MCPH1: variants seen among roughly 807,000 people sequenced by gnomAD.
MCPH1 encodes microcephalin.
MCPH1 carries 104 observed loss-of-function variants against 84.5 expected under a neutral mutation model. The ratio of observed to expected loss-of-function variants is 1.23; its 90% CI spans 1.05 to 1.45. The LOEUF (loss-of-function observed/expected upper bound fraction) is 1.45. MCPH1 is among the 40% of genes most tolerant of loss of function. The probability of loss-of-function intolerance (pLI) is 0.00; values close to 1 mark genes in which losing one functional copy is unlikely to be tolerated. For missense variants in MCPH1, 1,498 were observed against 1,005.7 expected, an observed-to-expected ratio of 1.49 and a Z score of -6.62; for synonymous variants, 514 against 366.8, an observed-to-expected ratio of 1.40 and a Z score of -4.58.
intron 12 of MCPH1, among the ~76,000 whole-genome samples, chr8:6,529,186 C>T (rs1377342900): frequency 1.3e-5 from 2 of 152,192 alleles, no homozygotes; most frequent in East Asian, 3.8e-4. Flanking sequence ...AGCCTGAAGG[C>T]GTCCATCTGC....
chr8:6,410,254 A>G (rs866751318), intron 2 of MCPH1, among the ~76,000 whole-genome samples: 2 of 152,054 alleles, frequency 1.3e-5, no homozygotes, highest in Non-Finnish European at 2.9e-5. Context: ...GATTACAGGC[A>G]TGAGCCACCG....
At chr8:6,639,484 G>C (rs1020792384) in intron 13 of MCPH1, among the ~76,000 whole-genome samples, 6 of 152,038 alleles carry the variant, frequency 3.9e-5, no homozygotes, top group Non-Finnish European at 8.8e-5. Context: ...AACATAGAAA[G>C]ACCGTGTCCC....
intron 12 of MCPH1, among the ~76,000 whole-genome samples, chr8:6,573,573 T>C (rs1219115010): frequency 1.3e-5 from 2 of 152,210 alleles, no homozygotes; most frequent in African/African-American, 4.8e-5. Context: ...CTGTGAACTA[T>C]TAAAGAGCTT....
chr8:6,595,539 G>A (rs1473008186), intron 12 of MCPH1, among the ~76,000 whole-genome samples: 1 of 152,216 alleles, frequency 6.6e-6, no homozygotes, highest in Non-Finnish European at 1.5e-5. Flanking sequence ...CAGCACAGTC[G>A]GGATGAACTG....
intron 5 of MCPH1, 47 bp downstream of exon 5, chr8:6,436,209 C>T (rs1291389464): frequency 1.9e-6 from 3 of 1,590,882 alleles, no homozygotes; most frequent in South Asian, 1.1e-5. Context: ...TGTCCATACA[C>T]CTTGTTTAAT....
Position 6,436,744 on chromosome 8 carries a change from C to T in MCPH1, c.436+582C>T, listed in dbSNP as rs1317618000. ...CAGCACTTTGGGAGGCAGAGGCGGG[C>T]GGATCACGAGGTCAGGAGATAGAGA... On this transcript the variant is annotated intron_variant, in intron 5 of 13. Transcript: ENST00000344683. Among the ~76,000 whole-genome samples, 8 of 151,364 alleles carry T rather than the reference C, an allele frequency of 5.3e-5. No homozygotes were observed. In the East Asian group the frequency reaches 5.8e-4, roughly 11 times the overall value.
At position 6,576,712 on chromosome 8, in the gene MCPH1, T is replaced by A. The variant is rs1188059933; in HGVS notation, c.2215-44742T>A. On this transcript the variant is annotated intron_variant, in intron 12 of 13. Coordinates refer to ENST00000344683, the MANE Select transcript of MCPH1 (RefSeq NM_024596.5). ...TTTTTTTTTTTTTTTTTTTTTTTTT[T>A]TTTTTTTTTTTTTTTAGTAGAGATG... Among the ~76,000 whole-genome samples, 30 of 90,946 alleles carry A rather than the reference T, an allele frequency of 3.3e-4. 1 individual carries two copies. Among genetic ancestry groups the A allele is most frequent in the Admixed American group, 1.1e-3 (10 of 8,796 alleles). The allele number at this position is 90,946 out of a possible 152,430, so 59.7% of individuals were successfully genotyped here.
At chr8:6,483,042 G>A (rs544647238) in intron 11 of MCPH1, among the ~76,000 whole-genome samples, 1 of 152,280 alleles carries the variant, frequency 6.6e-6, no homozygotes, top group African/African-American at 2.4e-5. Flanking sequence ...CTACAAAACA[G>A]CAATTAGAGG....
At chr8:6,642,866 G>C (rs192490159) in intron 13 of MCPH1, 128 bp from the exon 14 acceptor site, 9 of 800,418 alleles carry the variant, frequency 1.1e-5, no homozygotes, top group Middle Eastern at 4.5e-4. Context: ...GACGTGGGGG[G>C]GCCTATGGAC....
chr8:6,627,952 TTAAC>T (rs993770714), intron 13 of MCPH1, among the ~76,000 whole-genome samples: 18 of 152,070 alleles, frequency 1.2e-4, no homozygotes, highest in South Asian at 2.1e-4. Context: ...TTAAAAAAAA[TTAAC>T]TAACTGCTAG....
Position 6,461,732 on chromosome 8 carries a change from T to C in MCPH1, c.1935+6480T>C, listed in dbSNP as rs898494417. 5.9e-5 allele frequency among the ~76,000 whole-genome samples: 9 copies of C among 152,196 alleles called. No homozygotes were observed. In the East Asian group the frequency reaches 1.5e-3, roughly 26 times the overall value. On this transcript the variant is annotated intron_variant, in intron 9 of 13. Transcript: ENST00000344683. Reference sequence around the variant, plus strand: ...TGTAGGTCATTGACATTGATAGTTATACATCTTTTCAGAGGGAGAAATAGA... The same window carrying C: ...TGTAGGTCATTGACATTGATAGTTACACATCTTTTCAGAGGGAGAAATAGA...
intron 11 of MCPH1, among the ~76,000 whole-genome samples, chr8:6,481,814 C>T (rs762021021): frequency 1.3e-5 from 2 of 152,164 alleles, no homozygotes; most frequent in Admixed American, 1.3e-4. Context: ...TATATTAGTA[C>T]TGCTTTATGT....
At chr8:6,408,127 C>G (rs1010809317) in intron 1 of MCPH1, among the ~76,000 whole-genome samples, 2 of 151,562 alleles carry the variant, frequency 1.3e-5, no homozygotes, top group African/African-American at 2.4e-5. Context: ...TTGGGGAAAG[C>G]AACTAATTTT....
chr8:6,560,874 T>G (rs185006477), intron 12 of MCPH1, among the ~76,000 whole-genome samples: 28 of 152,350 alleles, frequency 1.8e-4, no homozygotes, highest in African/African-American at 6.0e-4. Flanking sequence ...GCAAATACAA[T>G]GTAGCAGCCT....
chr8:6,448,144 G>C (rs1804662199), intron 8 of MCPH1, among the ~76,000 whole-genome samples: 1 of 152,150 alleles, frequency 6.6e-6, no homozygotes. Flanking sequence ...AACAATGTCA[G>C]CTAGCAAGCA....
intron 12 of MCPH1, among the ~76,000 whole-genome samples, chr8:6,581,217 C>T (rs11984960): frequency 0.21 from 32,705 of 152,146 alleles, 3,585 homozygotes; most frequent in South Asian, 0.33. Flanking sequence ...TAACCCATTT[C>T]TGCCTAGTGT....
chr8:6,606,375 G>A (rs113312066), intron 12 of MCPH1, among the ~76,000 whole-genome samples: 244 of 152,268 alleles, frequency 1.6e-3, no homozygotes, highest in African/African-American at 5.4e-3. Flanking sequence ...CCAACAGTCC[G>A]TGTTGCATTT....
rs574607922 is a variant in MCPH1 at position 6,448,920 on chromosome 8, A to G, written c.1825+3373A>G. Among the ~76,000 whole-genome samples, 14 of 152,336 alleles carry G rather than the reference A, an allele frequency of 9.2e-5. No homozygotes were observed. The East Asian group carries it at 2.5e-3, about 27-fold the overall frequency. On this transcript the variant is annotated intron_variant, in intron 8 of 13. Coordinates refer to ENST00000344683, the MANE Select transcript of MCPH1 (RefSeq NM_024596.5). ...ATAATGAGAAAAAGACATTTTCCAC[A>G]AAATTTTTATTGACACTGGAATACA...
intron 12 of MCPH1, among the ~76,000 whole-genome samples, chr8:6,547,030 G>C (rs1474596742): frequency 1.3e-5 from 2 of 152,094 alleles, no homozygotes; most frequent in Non-Finnish European, 1.5e-5. Flanking sequence ...AGCGTTCTCA[G>C]AGCAACATGC....
Sources: gnomAD v4.1 joint callset for allele counts (sites outside exome capture counted in the v4.1 genomes callset) on GRCh38, gnomAD v4.1.1 for gene constraint, MANE v1.5 for transcripts, NCBI Gene and HGNC (gene_info 2026-07-23, HGNC 2026-07-21) for gene names.